Variants in RAPGEF4 observed in about 807,000 individuals in gnomAD.
RAPGEF4 encodes the protein RAP guanine-nucleotide-exchange factor (GEF) 4.
In RAPGEF4, 66 loss-of-function variants were observed where a neutral mutation model predicts 147.9. The ratio of observed to expected loss-of-function variants is 0.45; its 90% CI spans 0.37 to 0.55. The LOEUF (loss-of-function observed/expected upper bound fraction) is 0.55. Among genes scored for constraint, RAPGEF4 ranks in the 20% least tolerant of loss-of-function variants. The pLI is 0.00. For synonymous variants in RAPGEF4, 419 were observed against 442.7 expected (o/e 0.95, Z 0.67); for missense variants, 1,071 against 1,257.3 (o/e 0.85, Z 2.24).
chr2:173,037,926 C>T (rs894817154), intron 29 of RAPGEF4, among the ~76,000 whole-genome samples: 3 of 152,178 alleles, frequency 2.0e-5, no homozygotes, highest in African/African-American at 7.2e-5. Context: ...ATCAAGCTGG[C>T]ACGTGTGACT....
At chr2:173,017,977 C>A (rs1393475999) in intron 21 of RAPGEF4, among the ~76,000 whole-genome samples, 1 of 152,116 alleles carries the variant, frequency 6.6e-6, no homozygotes, top group African/African-American at 2.4e-5. Context: ...CAAAGAATCA[C>A]AACCAAAAAT....
chr2:172,819,259 T>C (rs1688810728), intron 4 of RAPGEF4, among the ~76,000 whole-genome samples: 1 of 152,158 alleles, frequency 6.6e-6, no homozygotes, highest in African/African-American at 2.4e-5. Context: ...TCAGAGTTGG[T>C]AAATAATGCC....
chr2:172,883,531 A>G (rs1696850699), intron 4 of RAPGEF4, among the ~76,000 whole-genome samples: 1 of 152,178 alleles, frequency 6.6e-6, no homozygotes, highest in African/African-American at 2.4e-5. Context: ...GGTCAAAAAC[A>G]TTCATATTGG....
intron 15 of RAPGEF4, among the ~76,000 whole-genome samples, chr2:172,996,185 A>G (rs1009219124): frequency 6.6e-6 from 1 of 152,178 alleles, no homozygotes; most frequent in Non-Finnish European, 1.5e-5. Context: ...GAAGTTTCTC[A>G]GTTCCCAGCC....
At chr2:172,865,099 T>A (rs951755584) in intron 4 of RAPGEF4, among the ~76,000 whole-genome samples, 2 of 152,190 alleles carry the variant, frequency 1.3e-5, no homozygotes, top group Non-Finnish European at 2.9e-5. Context: ...TGCTGAGCAG[T>A]GCCAGAGAAA....
intron 4 of RAPGEF4, among the ~76,000 whole-genome samples, chr2:172,909,042 G>A (rs1699869336): frequency 6.6e-6 from 1 of 152,152 alleles, no homozygotes; most frequent in Non-Finnish European, 1.5e-5. Context: ...CTCCTGATAG[G>A]GGCCTCCCAC....
intron 6 of RAPGEF4, among the ~76,000 whole-genome samples, chr2:172,955,995 C>G (rs571733359): frequency 6.6e-6 from 1 of 152,376 alleles, no homozygotes; most frequent in South Asian, 2.1e-4. Context: ...TTCTTTCCCT[C>G]TTCCATTTAA....
chr2:172,762,637 A>G (rs899721759), intron 1 of RAPGEF4, among the ~76,000 whole-genome samples: 2 of 152,196 alleles, frequency 1.3e-5, no homozygotes, highest in South Asian at 2.1e-4. Context: ...CCAACAGTGG[A>G]CACACCTGGC....
At chr2:172,970,768 G>A (rs1243739095) in intron 10 of RAPGEF4, among the ~76,000 whole-genome samples, 2 of 151,972 alleles carry the variant, frequency 1.3e-5, no homozygotes, top group Admixed American at 6.5e-5. Flanking sequence ...AGAGCTTCAG[G>A]GGAAATTTTT....
At chr2:172,907,761 A>G (rs1268497307) in intron 4 of RAPGEF4, among the ~76,000 whole-genome samples, 1 of 152,188 alleles carries the variant, frequency 6.6e-6, no homozygotes, top group Non-Finnish European at 1.5e-5. Flanking sequence ...CTGGTTGGAA[A>G]ATATCATCAA....
In RAPGEF4 at chr2:172,941,758, C is replaced by A. The variant is rs146207887; in HGVS notation, c.538-19002C>A. On this transcript the variant is annotated intron_variant, in intron 6 of 30. Transcript: ENST00000397081. ...CAATGCTGGCCCTGCCACTTCTTAG[C>A]TATGTGGGCTTGAGCAAGTTACTTA... is the stretch of plus-strand genomic sequence containing the variant. Among the ~76,000 whole-genome samples the A allele has an allele frequency of 3.2e-4, 49 of 152,242 alleles. No homozygotes were observed. In the East Asian group the frequency reaches 9.5e-3, roughly 29 times the overall value.
chr2:172,886,026 G>C (rs1036265769), intron 4 of RAPGEF4, among the ~76,000 whole-genome samples: 1 of 151,986 alleles, frequency 6.6e-6, no homozygotes, highest in South Asian at 2.1e-4. Context: ...CTGCCTTCAC[G>C]CCTGGCTCTT....
rs1361107027 is a variant in RAPGEF4, at chr2:173,051,776, A to C, written c.*9A>C. On this transcript the variant is annotated 3_prime_UTR_variant, in exon 31 of 31. Coordinates refer to ENST00000397081, the MANE Select transcript of RAPGEF4 (RefSeq NM_007023.4). Reference sequence around the variant, plus strand: ...AGCCTCGTCGACCATAGACATTTCAAATGCCCAAAGCAACAGTTTGTCTCC... The same window carrying C: ...AGCCTCGTCGACCATAGACATTTCACATGCCCAAAGCAACAGTTTGTCTCC... 1 of 1,613,174 alleles carries C rather than the reference A, an allele frequency of 6.2e-7. No homozygotes were observed. Among genetic ancestry groups the C allele is most frequent in the Non-Finnish European group, 8.5e-7 (1 of 1,179,416 alleles).
At chr2:173,050,901 A>G (rs564745008) in intron 30 of RAPGEF4, among the ~76,000 whole-genome samples, 1 of 152,014 alleles carries the variant, frequency 6.6e-6, no homozygotes, top group Non-Finnish European at 1.5e-5. Context: ...TTATTCATGT[A>G]TGTTCCCTGC....
intron 1 of RAPGEF4, among the ~76,000 whole-genome samples, chr2:172,749,611 C>T (rs1695084504): frequency 6.6e-6 from 1 of 152,236 alleles, no homozygotes; most frequent in Non-Finnish European, 1.5e-5. Flanking sequence ...AGGGCTGCTG[C>T]AAAGGTCTCT....
Position 173,018,821 on chromosome 2 carries a change from A to G in RAPGEF4, c.2155+19A>G, listed in dbSNP as rs2242079. On this transcript the variant is annotated intron_variant, in intron 22 of 30. Transcript: ENST00000397081. ...GGAGGAGGTAACAGTCTTAATTCAT[A>G]TTTTAGGCTCTGCAAAATGGGACAT... is the stretch of plus-strand genomic sequence containing the variant. The G allele has an allele frequency of 0.07, 112,252 of 1,608,460 alleles. 4,445 individuals carry two copies. The highest frequency in any genetic ancestry group is 0.12 in the Admixed American group (7,010 of 59,406).
At chr2:172,886,914 G>A (rs1193913289) in intron 4 of RAPGEF4, among the ~76,000 whole-genome samples, 2 of 152,156 alleles carry the variant, frequency 1.3e-5, no homozygotes, top group African/African-American at 2.4e-5. Context: ...TTGGCCGGGC[G>A]CGGTGGCTCT....
chr2:172,877,877 A>G (rs1696150203), intron 4 of RAPGEF4, among the ~76,000 whole-genome samples: 1 of 152,176 alleles, frequency 6.6e-6, no homozygotes. Context: ...GGTGCTGTAT[A>G]ATTTTAAACA....
chr2:173,036,716 A>G, intron 29 of RAPGEF4, 24 bp downstream of exon 29: 5 of 1,511,516 alleles, frequency 3.3e-6, no homozygotes, highest in Non-Finnish European at 4.5e-6. Flanking sequence ...TATAACCTTA[A>G]CCACAATGTG....
Sources: gnomAD v4.1 joint callset for allele counts (sites outside exome capture counted in the v4.1 genomes callset) on GRCh38, gnomAD v4.1.1 for gene constraint, MANE v1.5 for transcripts, NCBI Gene and HGNC (gene_info 2026-07-23, HGNC 2026-07-21) for gene names.